The following AFM variants were observed in gnomAD, a reference collection of about 807,000 sequenced individuals.
AFM encodes alpha-Alb.
AFM carries 82 observed loss-of-function variants against 68.7 expected under a neutral mutation model. The observed-to-expected ratio is 1.19, with a 90% confidence interval of 1.00 to 1.43. AFM has a LOEUF of 1.43. AFM is among the 40% of genes most tolerant of loss of function. The probability of loss-of-function intolerance (pLI) is 0.00; values close to 1 mark genes in which losing one functional copy is unlikely to be tolerated. For missense variants in AFM, 772 were observed against 701.8 expected (o/e 1.10, Z -1.13); for synonymous variants, 250 against 234.2 (o/e 1.07, Z -0.61).
chr4:73,487,109 G>A lies in AFM; in HGVS notation c.615+10G>A, dbSNP rs1003836514. The A allele has an allele frequency of 3.1e-6, 5 of 1,613,512 alleles. No individual in the cohort carries two copies. The highest frequency in any genetic ancestry group is 4.2e-6 in the Non-Finnish European group (5 of 1,179,736). ...CTGCCTTCAAACAAGGGTGGGTATAGCATTTGTTCCATGAAGAGGATAAGA... is the reference window on the plus strand; with the variant it reads ...CTGCCTTCAAACAAGGGTGGGTATAACATTTGTTCCATGAAGAGGATAAGA... On this transcript the variant is annotated intron_variant, in intron 5 of 14. Coordinates refer to ENST00000226355, the MANE Select transcript of AFM (RefSeq NM_001133.2).
chr4:73,503,163 C>A, intron 14 of AFM, 53 bp downstream of exon 14: 1 of 1,374,914 alleles, frequency 7.3e-7, no homozygotes, highest in Non-Finnish European at 1.0e-6. Flanking sequence ...CTTATCTGAT[C>A]TCCTTGCCTT....
intron 11 of AFM, 90 bp downstream of exon 11, chr4:73,499,336 ATTCCTTTC>A (rs1721355054): frequency 1.1e-5 from 14 of 1,227,660 alleles, no homozygotes; most frequent in Non-Finnish European, 1.3e-5. Flanking sequence ...GATTATCCAT[ATTCCTTTC>A]TTCACTGTTT....
At chr4:73,498,987 G>T in intron 10 of AFM, 127 bp from the exon 11 acceptor site, 1 of 847,664 alleles carries the variant, frequency 1.2e-6, no homozygotes, top group Non-Finnish European at 1.7e-6. Context: ...CTTTATGAGA[G>T]AGCTAAGGTT....
In AFM at chr4:73,486,052, A is replaced by G. The variant is rs1720894070; in HGVS notation, c.461A>G (p.Asn154Ser). The G allele has an allele frequency of 1.2e-6, 2 of 1,613,940 alleles. No individual in the cohort carries two copies. The highest frequency in any genetic ancestry group is 1.7e-6 in the Non-Finnish European group (2 of 1,179,816). ...GAGAAATGCCAGGCTTATGAAAGTAACAGAGAATCCCTTTTAAATCAGTAA... is the reference window on the plus strand; with the variant it reads ...GAGAAATGCCAGGCTTATGAAAGTAGCAGAGAATCCCTTTTAAATCAGTAA... ...PEEKCQAYES[N>S]RESLLNHFLY... The change falls in exon 4 of 15, where the codon AAC becomes AGC. Residue 154 changes from asparagine (N) to serine (S), a missense_variant. By Grantham distance (46) the Asn-to-Ser change is conservative (BLOSUM62 1). Transcript: ENST00000226355.
intron 8 of AFM, among the ~76,000 whole-genome samples, chr4:73,493,981 G>C (rs1196730707): frequency 6.6e-6 from 1 of 152,098 alleles, no homozygotes; most frequent in Non-Finnish European, 1.5e-5. Context: ...GAACATTTTA[G>C]GCAAGTCCTC....
At chr4:73,485,222 C>T (rs1331706570) in intron 3 of AFM, among the ~76,000 whole-genome samples, 1 of 152,174 alleles carries the variant, frequency 6.6e-6, no homozygotes, top group Non-Finnish European at 1.5e-5. Flanking sequence ...CTACTAAACA[C>T]TACTTCTAAA....
At chr4:73,488,585 CT>C in intron 6 of AFM, 44 bp from the exon 7 acceptor site, 1 of 1,562,322 alleles carries the variant, frequency 6.4e-7, no homozygotes, top group Admixed American at 1.9e-5. Flanking sequence ...ACTTGTTCTA[CT>C]TGCTGTTCAA....
In AFM at chr4:73,487,075, CA is replaced by C. The variant is rs1296620984; in HGVS notation, c.594del (p.Val199SerfsTer15). On this transcript the variant is annotated frameshift_variant, in exon 5 of 15. Coordinates refer to ENST00000226355, the MANE Select transcript of AFM (RefSeq NM_001133.2). LOFTEE classifies it high-confidence loss of function. The stretch of plus-strand genomic sequence containing the variant: ...CCAAATCATGTTGTGAAGAACAAAA[CA>C]AAGTCAACTGCCTTCAAACAAGGGT... Reference protein sequence around the residue: ...VAKSCCEEQNKVNCLQTRAIP... With the variant: ...VAKSCCEEQNXVNCLQTRAIP... 2 of 1,613,850 alleles carry C rather than the reference CA, an allele frequency of 1.2e-6. No individual in the cohort carries two copies. The highest frequency in any genetic ancestry group is 2.7e-5 in the African/African-American group (2 of 74,914).
chr4:73,495,204 A>G (rs1721217623), intron 8 of AFM, 96 bp from the exon 9 acceptor site: 6 of 1,129,384 alleles, frequency 5.3e-6, no homozygotes, highest in African/African-American at 1.6e-5. Flanking sequence ...TTTTGAAAGC[A>G]GAGTCAGTAT....
chr4:73,502,310 G>C (rs1018790949), intron 13 of AFM, among the ~76,000 whole-genome samples: 3 of 152,164 alleles, frequency 2.0e-5, no homozygotes, highest in Non-Finnish European at 4.4e-5. Context: ...ATCATAAACA[G>C]CTCCAAATGG....
chr4:73,503,338 T>C (rs915566679), intron 14 of AFM, among the ~76,000 whole-genome samples: 1 of 152,114 alleles, frequency 6.6e-6, no homozygotes, highest in Admixed American at 6.6e-5. Context: ...TGCTGTTCAA[T>C]CAGTTTTCTA....
At chr4:73,486,117 TCTTAGG>T (rs1215909859) in intron 4 of AFM, 44 bp downstream of exon 4, 1 of 1,488,468 alleles carries the variant, frequency 6.7e-7, no homozygotes. Context: ...GAAGAATTAG[TCTTAGG>T]CTGAATCTAA....
intron 2 of AFM, 39 bp downstream of exon 2, chr4:73,484,028 A>C (rs552967725): frequency 3.4e-5 from 50 of 1,482,298 alleles, no homozygotes; most frequent in Non-Finnish European, 4.2e-5. Flanking sequence ...TGATTTTTAA[A>C]ATGATATATT....
At position 73,494,405 on chromosome 4, in the gene AFM, T is replaced by A. The variant is rs1314923541; in HGVS notation, c.1059-895T>A. Among the ~76,000 whole-genome samples, 13 of 151,922 alleles carry A rather than the reference T, an allele frequency of 8.6e-5. No homozygotes were observed. The East Asian group carries it at 2.3e-3, about 27-fold the overall frequency. ...ATGAATAGATGAGTTTTCTTTTTTTTATGAAGACTGTAAATAGCCCAGCTG... is the reference window on the plus strand; with the variant it reads ...ATGAATAGATGAGTTTTCTTTTTTTAATGAAGACTGTAAATAGCCCAGCTG... On this transcript the variant is annotated intron_variant, in intron 8 of 14. Coordinates refer to ENST00000226355, the MANE Select transcript of AFM (RefSeq NM_001133.2).
In AFM at chr4:73,485,960, CTG is replaced by C. The variant is rs1720890477; in HGVS notation, c.371_372del (p.Cys124PhefsTer4). The C allele has an allele frequency of 6.2e-7, 1 of 1,613,942 alleles. No individual in the cohort carries two copies. Among genetic ancestry groups the C allele is most frequent in the South Asian group, 1.1e-5 (1 of 91,090 alleles). On this transcript the variant is annotated frameshift_variant, in exon 4 of 15. Coordinates refer to ENST00000226355, the MANE Select transcript of AFM (RefSeq NM_001133.2). LOFTEE classifies it high-confidence loss of function. ...CSKVDAQRRL[C>X]FFYNKKSDVG... ...GTAAGGTTGATGCTCAAAGAAGACT[CTG>C]TTTCTTCTATAACAAGAAATCTGAT...
rs752418770 is a variant in AFM at position 73,499,131 on chromosome 4, C to T, written c.1307C>T (p.Thr436Met). The T allele has an allele frequency of 6.2e-6, 10 of 1,612,482 alleles. No individual in the cohort carries two copies. Among genetic ancestry groups the T allele is most frequent in the African/African-American group, 2.7e-5 (2 of 74,826 alleles). ...GLKYHYLIRL[T>M]KIAPQLSTEE... is the part of the protein sequence containing the mutation. Reference sequence around the variant, plus strand: ...TCTTTCAGTTACCTCATCAGGCTCACGAAGATAGCTCCCCAACTCTCCACT... The same window carrying T: ...TCTTTCAGTTACCTCATCAGGCTCATGAAGATAGCTCCCCAACTCTCCACT... Residue 436 changes from threonine to methionine, a missense_variant, in exon 11 of 15, where the codon ACG (threonine) becomes ATG (methionine). By Grantham distance (81) the Thr-to-Met change is moderately conservative (BLOSUM62 -1). Coordinates refer to ENST00000226355, the MANE Select transcript of AFM (RefSeq NM_001133.2).
chr4:73,487,138 C>A lies in AFM; in HGVS notation c.615+39C>A, dbSNP rs184755428. 51 of 1,606,412 alleles carry A rather than the reference C, an allele frequency of 3.2e-5. 1 individual carries two copies. In the East Asian group the frequency reaches 8.1e-4, roughly 25 times the overall value. On this transcript the variant is annotated intron_variant, in intron 5 of 14. Coordinates refer to ENST00000226355, the MANE Select transcript of AFM (RefSeq NM_001133.2). ...TTGTTCCATGAAGAGGATAAGAAAT[C>A]ACTCAATACCACAGATCCAGACCCT... is the stretch of plus-strand genomic sequence containing the variant.
At chr4:73,484,054 C>A in intron 2 of AFM, 65 bp downstream of exon 2, 2 of 1,425,256 alleles carry the variant, frequency 1.4e-6, no homozygotes, top group African/African-American at 2.9e-5. Flanking sequence ...AATGTTAATG[C>A]TTCTCAAAAG....
intron 1 of AFM, among the ~76,000 whole-genome samples, chr4:73,483,034 G>C (rs537362112): frequency 2.0e-5 from 3 of 152,062 alleles, no homozygotes; most frequent in African/African-American, 7.2e-5. Context: ...TCCTCTTTGT[G>C]ACCCACTTTC....
Sources: gnomAD v4.1 joint callset for allele counts (sites outside exome capture counted in the v4.1 genomes callset) on GRCh38, gnomAD v4.1.1 for gene constraint, MANE v1.5 for transcripts, NCBI Gene and HGNC (gene_info 2026-07-23, HGNC 2026-07-21) for gene names.